VPS16: variants seen among roughly 807,000 people sequenced by gnomAD.
The protein encoded by VPS16 is VPS16 core subunit of CORVET and HOPS complexes, also known as vacuolar protein sorting-associated protein 16 homolog.
In VPS16, 82 loss-of-function variants were observed where a neutral mutation model predicts 116.0. The ratio of observed to expected loss-of-function variants is 0.71; its 90% CI spans 0.59 to 0.85. The LOEUF (loss-of-function observed/expected upper bound fraction) is 0.85. Ranked by LOEUF, VPS16 falls within the 40% of genes least tolerant of loss-of-function variation. The pLI is 0.00. For synonymous variants in VPS16, 406 were observed against 420.7 expected (o/e 0.96, Z 0.43); for missense variants, 928 against 1,090.6 (o/e 0.85, Z 2.10).
intron 1 of VPS16, among the ~76,000 whole-genome samples, 172 bp from the exon 2 acceptor site, chr20:2,859,547 G>C (rs936909905): frequency 6.6e-6 from 1 of 152,194 alleles, no homozygotes; most frequent in African/African-American, 2.4e-5. Context: ...CATGTGGTCA[G>C]TTCACCCAAC....
At chr20:2,847,684 G>A (rs1227332222) in intron 1 of VPS16, among the ~76,000 whole-genome samples, 5 of 151,844 alleles carry the variant, frequency 3.3e-5, no homozygotes, top group Admixed American at 3.3e-4. Flanking sequence ...TCACCATGTT[G>A]GTAAGGATGG....
intron 1 of VPS16, among the ~76,000 whole-genome samples, chr20:2,845,344 G>GCC (rs2089047739): frequency 6.6e-6 from 1 of 152,084 alleles, no homozygotes; most frequent in Non-Finnish European, 1.5e-5. Flanking sequence ...GGCAGGGAAG[G>GCC]AGGTGAGCTT....
intron 2 of VPS16, 106 bp downstream of exon 2, chr20:2,859,913 T>G: frequency 6.8e-7 from 1 of 1,473,752 alleles, no homozygotes. Context: ...CACCCCCCAC[T>G]CACCCTGCTG....
At chr20:2,862,318 G>A in intron 11 of VPS16, 188 bp downstream of exon 11, 1 of 966,894 alleles carries the variant, frequency 1.0e-6, no homozygotes, top group Non-Finnish European at 1.5e-6. Flanking sequence ...ATAGGGACGG[G>A]CAGAGCATCC....
rs372836009 is a variant in VPS16 at position 2,864,302 on chromosome 20, G to A, written c.1720+15G>A. 1.9e-6 allele frequency: 3 copies of A among 1,613,958 alleles called. No homozygotes were observed. The highest frequency in any genetic ancestry group is 2.5e-6 in the Non-Finnish European group (3 of 1,179,930). On this transcript the variant is annotated intron_variant, in intron 17 of 23. Transcript: ENST00000380445. The surrounding 1 kb of genome is among the most constrained non-coding windows in gnomAD (Gnocchi z 5.2). ...CACTGACCTGGGTGAGGGCAAGGCT[G>A]GGGGGCCCCTGGGCTAAGTGGGAGC... is the stretch of plus-strand genomic sequence containing the variant.
chr20:2,842,157 C>A (rs1473626027), intron 1 of VPS16, among the ~76,000 whole-genome samples: 1 of 152,024 alleles, frequency 6.6e-6, no homozygotes, highest in East Asian at 1.9e-4. Context: ...TTTTACTGGG[C>A]CGAGCTTTGT....
chr20:2,844,816 C>T (rs193198560), intron 1 of VPS16, among the ~76,000 whole-genome samples: 1 of 152,154 alleles, frequency 6.6e-6, no homozygotes, highest in East Asian at 1.9e-4. Flanking sequence ...CTGAGGCATG[C>T]ACAGTGACCT....
intron 8 of VPS16, 53 bp downstream of exon 8, chr20:2,861,333 C>CTGGG: frequency 1.2e-6 from 2 of 1,611,464 alleles, no homozygotes; most frequent in Non-Finnish European, 1.7e-6. Context: ...AGCTTGCTTC[C>CTGGG]TGGGACAATC....
intron 2 of VPS16, 90 bp from the exon 3 acceptor site, chr20:2,859,964 G>A: frequency 3.2e-6 from 5 of 1,548,078 alleles, no homozygotes; most frequent in Admixed American, 1.7e-5. Flanking sequence ...TGCTTCACAT[G>A]GGGTGGGCCT....
rs1043249217 is a variant in VPS16 at position 2,866,641 on chromosome 20, A to G, written c.*67A>G. ...AGCACCTGGGCTTGGCAGAAGGGCC[A>G]TAGTTCATCCAGCTCCTCCCCTAGA... On this transcript the variant is annotated 3_prime_UTR_variant, in exon 24 of 24. Transcript: ENST00000380445. 44 of 1,592,276 alleles carry G rather than the reference A, an allele frequency of 2.8e-5. No homozygotes were observed. The highest frequency in any genetic ancestry group is 3.6e-5 in the Non-Finnish European group (42 of 1,169,092).
At chr20:2,857,201 T>C (rs2089180263) in intron 1 of VPS16, among the ~76,000 whole-genome samples, 1 of 152,186 alleles carries the variant, frequency 6.6e-6, no homozygotes, top group South Asian at 2.1e-4. Context: ...GGTCTCGAAC[T>C]CCTGACCTCA....
intron 1 of VPS16, among the ~76,000 whole-genome samples, chr20:2,854,427 T>C (rs1220963826): frequency 2.0e-5 from 3 of 151,660 alleles, no homozygotes; most frequent in African/African-American, 7.3e-5. Flanking sequence ...AGACAATGTC[T>C]TTCTAAAAAC....
chr20:2,859,814 T>G lies in VPS16; in HGVS notation c.142+7T>G. ...CCCTATGGGGGCCCCATTGGTATGT[T>G]GCCCCTCCACCACCACCTGCTCTGG... is the stretch of plus-strand genomic sequence containing the variant. On this transcript the variant is annotated splice_region_variant and intron_variant, in intron 2 of 23. Coordinates refer to ENST00000380445, the MANE Select transcript of VPS16 (RefSeq NM_022575.4). The G allele has an allele frequency of 6.2e-7, 1 of 1,605,062 alleles. No homozygotes were observed. Among genetic ancestry groups the G allele is most frequent in the Non-Finnish European group, 8.5e-7 (1 of 1,177,338 alleles).
Position 2,865,957 on chromosome 20 carries a change from T to G in VPS16, c.2272-255T>G. ...CAGGAACGCCTGTTGCAAGGGGTAA[T>G]GGTGGGTGGTAGAGCAGAAGCGTGG... On this transcript the variant is annotated intron_variant, in intron 22 of 23. Coordinates refer to ENST00000380445, the MANE Select transcript of VPS16 (RefSeq NM_022575.4). The surrounding 1 kb of genome is among the most constrained non-coding windows in gnomAD (Gnocchi z 5.2). 1.9e-6 allele frequency: 1 copy of G among 530,848 alleles called. No individual in the cohort carries two copies. The highest frequency in any genetic ancestry group is 3.4e-6 in the Non-Finnish European group (1 of 295,078). 32.9% of individuals were successfully genotyped at this position (530,848 alleles called of 1,614,324 possible).
Position 2,865,492 on chromosome 20 carries a change from C to T in VPS16, c.2268C>T (p.Tyr756=). The change falls in exon 22 of 24, where the codon TAC becomes TAT. Residue 756 remains tyrosine (Y), a synonymous_variant. Coordinates refer to ENST00000380445, the MANE Select transcript of VPS16 (RefSeq NM_022575.4). The surrounding 1 kb of genome is among the most constrained non-coding windows in gnomAD (Gnocchi z 5.2). Reference sequence around the variant, plus strand: ...AGAGCAAGAAATCACCCATTGGCTACCTGGTGAGGCAGGGTCCTCCCTCCA... The same window carrying T: ...AGAGCAAGAAATCACCCATTGGCTATCTGGTGAGGCAGGGTCCTCCCTCCA... ...FSKSKKSPIG[Y]LPFVEICMKQ... 1 of 1,613,450 alleles carries T rather than the reference C, an allele frequency of 6.2e-7. No homozygotes were observed. The highest frequency in any genetic ancestry group is 8.5e-7 in the Non-Finnish European group (1 of 1,179,678).
rs576846866 is a variant in VPS16 at position 2,850,020 on chromosome 20, G to A, written c.53+9193G>A. Among the ~76,000 whole-genome samples the A allele has an allele frequency of 2.0e-5, 3 of 152,290 alleles. No homozygotes were observed. In the South Asian group the frequency reaches 6.2e-4, roughly 32 times the overall value. ...CCAGTCAGAAGACTTAACATGGAAA[G>A]TTTAATATAAAGAATTATTGGCCTG... On this transcript the variant is annotated intron_variant, in intron 1 of 23. Transcript: ENST00000380445.
rs114646867 is a variant in VPS16 at position 2,852,395 on chromosome 20, T to C, written c.54-7324T>C. On this transcript the variant is annotated intron_variant, in intron 1 of 23. Transcript: ENST00000380445. ...ATGGGTTAAAGGGTGAATTTGGAGC[T>C]GAGAGGCAATGCGTTGATAACTGGC... is the stretch of plus-strand genomic sequence containing the variant. Among the ~76,000 whole-genome samples the C allele has an allele frequency of 5.2e-3, 796 of 152,276 alleles. 5 individuals carry two copies. Among genetic ancestry groups the C allele is most frequent in the African/African-American group, 0.018 (736 of 41,540 alleles).
chr20:2,865,915 A>G lies in VPS16; in HGVS notation c.2272-297A>G. ...ATGTCAATCACAAGAGAACACAGGA[A>G]ATGTGAGGGCTGGTGGCAGGAACGC... On this transcript the variant is annotated intron_variant, in intron 22 of 23. Transcript: ENST00000380445. This position sits in a 1 kb window ranked among gnomAD's most constrained non-coding sequence, Gnocchi z 5.2. The G allele has an allele frequency of 2.0e-6, 1 of 489,870 alleles. No individual in the cohort carries two copies. The highest frequency in any genetic ancestry group is 3.8e-5 in the East Asian group (1 of 26,216). 30.3% of individuals were successfully genotyped at this position (489,870 alleles called of 1,614,324 possible).
intron 1 of VPS16, among the ~76,000 whole-genome samples, chr20:2,841,426 A>G (rs1422759069): frequency 6.6e-6 from 1 of 152,192 alleles, no homozygotes; most frequent in Non-Finnish European, 1.5e-5. Flanking sequence ...TGGAACGTCT[A>G]TCTGTAAGGC....
Sources: allele counts gnomAD v4.1 joint callset (sites outside exome capture counted in the v4.1 genomes callset), GRCh38; gene constraint gnomAD v4.1.1; non-coding constraint Gnocchi (gnomAD v3.1); transcripts MANE v1.5; gene names NCBI Gene and HGNC (gene_info 2026-07-23, HGNC 2026-07-21).